Variants in TM4SF4 observed in about 807,000 individuals in gnomAD.
TM4SF4 encodes transmembrane 4 L6 family member 4.
A neutral mutation model predicts 24.1 loss-of-function variants in TM4SF4; 24 were observed. That is an observed-to-expected ratio of 1.00 (90% CI 0.72 to 1.40). The LOEUF (loss-of-function observed/expected upper bound fraction) is 1.40, where lower values mean the gene tolerates loss of function less well. Ranked by LOEUF, TM4SF4 falls within the 40% of genes most tolerant of loss-of-function variation. The pLI, the probability that TM4SF4 is intolerant of heterozygous loss-of-function variation, is 0.00. For missense variants in TM4SF4, 254 were observed against 254.2 expected (o/e 1.00, Z 0.01); for synonymous variants, 113 against 97.0 (o/e 1.17, Z -0.97).
At chr3:149,485,317 T>C (rs1412513073) in intron 2 of TM4SF4, among the ~76,000 whole-genome samples, 2 of 152,224 alleles carry the variant, frequency 1.3e-5, no homozygotes, top group African/African-American at 2.4e-5. Context: ...GGAAAAGAGA[T>C]TGCCTGTTCT....
At chr3:149,482,082 G>A (rs11920457) in intron 2 of TM4SF4, among the ~76,000 whole-genome samples, 54,472 of 152,124 alleles carry the variant, frequency 0.36, 10,285 homozygotes, top group Non-Finnish European at 0.42. Flanking sequence ...ATTACTAGCA[G>A]CCTATCCCAC....
chr3:149,482,628 C>T (rs1734054048), intron 2 of TM4SF4, among the ~76,000 whole-genome samples: 1 of 152,204 alleles, frequency 6.6e-6, no homozygotes, highest in Non-Finnish European at 1.5e-5. Flanking sequence ...ACTGCAACCT[C>T]TGCCTCCTGG....
intron 3 of TM4SF4, chr3:149,495,167 C>CTTAA (rs1261881479): frequency 4.6e-6 from 1 of 215,262 alleles, no homozygotes; most frequent in East Asian, 1.4e-4. Context: ...AAAGTCAGCT[C>CTTAA]TTACATTAAG....
intron 2 of TM4SF4, among the ~76,000 whole-genome samples, chr3:149,485,937 A>G (rs1734108629): frequency 6.6e-6 from 1 of 152,252 alleles, no homozygotes; most frequent in African/African-American, 2.4e-5. Context: ...AGAGTCAGAC[A>G]AAGCACATGA....
chr3:149,492,134 C>A lies in TM4SF4; in HGVS notation c.401+4379C>A, dbSNP rs1453294324. On this transcript the variant is annotated intron_variant, in intron 3 of 4. Coordinates refer to ENST00000305354, the MANE Select transcript of TM4SF4 (RefSeq NM_004617.4). ...AATCCAGATAAGATGATGAACATCA[C>A]CCAGGCAGCAGAATTGGGGCTCAAA... is the stretch of plus-strand genomic sequence containing the variant. Among the ~76,000 whole-genome samples, 4 of 152,210 alleles carry A rather than the reference C, an allele frequency of 2.6e-5. No homozygotes were observed. In the East Asian group the frequency reaches 7.7e-4, roughly 29 times the overall value.
rs138280608 is a variant in TM4SF4, at chr3:149,501,781, A to G, written c.592-895A>G. Among the ~76,000 whole-genome samples the G allele has an allele frequency of 1.6e-4, 24 of 152,318 alleles. No individual in the cohort carries two copies. In the East Asian group the frequency reaches 4.1e-3, roughly 26 times the overall value. On this transcript the variant is annotated intron_variant, in intron 4 of 4. Transcript: ENST00000305354. ...ACTGCCTCTTGCCTAACTTATGGAG[A>G]GAGTGTAAGATCAACATCTATCCAT... is the stretch of plus-strand genomic sequence containing the variant.
chr3:149,476,100 C>G (rs1196919836), intron 2 of TM4SF4, among the ~76,000 whole-genome samples, 188 bp downstream of exon 2: 5 of 152,168 alleles, frequency 3.3e-5, no homozygotes, highest in Non-Finnish European at 7.3e-5. Flanking sequence ...TACCATAGCC[C>G]TCATACTTAT....
intron 3 of TM4SF4, among the ~76,000 whole-genome samples, chr3:149,491,249 C>T (rs1734204368): frequency 7.1e-6 from 1 of 140,058 alleles, no homozygotes; most frequent in Admixed American, 8.6e-5. Flanking sequence ...AGTTCAAGAC[C>T]AGCTTGGGCA....
At chr3:149,500,278 A>G (rs1285623184) in intron 4 of TM4SF4, among the ~76,000 whole-genome samples, 1 of 152,118 alleles carries the variant, frequency 6.6e-6, no homozygotes, top group East Asian at 1.9e-4. Context: ...AGGAAATCCA[A>G]CCAAAAGTTA....
rs190302199 is a variant in TM4SF4 at position 149,490,599 on chromosome 3, C to A, written c.401+2844C>A. On this transcript the variant is annotated intron_variant, in intron 3 of 4. Transcript: ENST00000305354. ...TTTTCTAGAACACAGTTTATATTGA[C>A]TCATATTGTCTGCTTTTTGCCTAGA... 3.3e-5 allele frequency among the ~76,000 whole-genome samples: 5 copies of A among 152,282 alleles called. No individual in the cohort carries two copies. In the East Asian group the frequency reaches 9.6e-4, roughly 29 times the overall value.
In TM4SF4 at chr3:149,474,916, C is replaced by A. The variant is rs201638815; in HGVS notation, c.39C>A (p.Thr13=). Reference sequence around the variant, plus strand: ...GCTGTGCCAGATGCCTGGGGGGGACCCTCATTCCCCTTGCTTTTTTTGGCT... The same window carrying A: ...GCTGTGCCAGATGCCTGGGGGGGACACTCATTCCCCTTGCTTTTTTTGGCT... ...TGGCARCLGG[T]LIPLAFFGFL... Residue 13 remains threonine (T), a synonymous_variant, in exon 1 of 5, where the codon ACC becomes ACA. Coordinates refer to ENST00000305354, the MANE Select transcript of TM4SF4 (RefSeq NM_004617.4). The A allele has an allele frequency of 5.8e-5, 94 of 1,613,858 alleles. 1 individual carries two copies. The Admixed American group carries it at 7.5e-4, about 13-fold the overall frequency.
intron 2 of TM4SF4, among the ~76,000 whole-genome samples, chr3:149,481,515 G>A (rs984496806): frequency 2.6e-5 from 4 of 152,130 alleles, no homozygotes; most frequent in East Asian, 3.8e-4. Flanking sequence ...CCCTTCCCAA[G>A]CCTAGCACAG....
At chr3:149,477,928 T>C (rs745966573) in intron 2 of TM4SF4, among the ~76,000 whole-genome samples, 7 of 152,198 alleles carry the variant, frequency 4.6e-5, no homozygotes, top group Non-Finnish European at 8.8e-5. Context: ...GAGTCATTTA[T>C]TTTAGAAATC....
chr3:149,487,896 A>T, intron 3 of TM4SF4, 141 bp downstream of exon 3: 1 of 1,219,586 alleles, frequency 8.2e-7, no homozygotes, highest in Non-Finnish European at 1.1e-6. Flanking sequence ...GCAGAGATGG[A>T]GTTGTGGAAT....
At chr3:149,494,985 T>A in intron 3 of TM4SF4, 1 of 208,232 alleles carries the variant, frequency 4.8e-6, no homozygotes, top group Non-Finnish European at 1.0e-5. Flanking sequence ...TGTGCTATCC[T>A]GATTGTTGCT....
chr3:149,488,309 A>G (rs73152645), intron 3 of TM4SF4, among the ~76,000 whole-genome samples: 35,290 of 152,192 alleles, frequency 0.23, 4,823 homozygotes, highest in Non-Finnish European at 0.31. Context: ...TGTAGATTGT[A>G]AAGACCTTTA....
chr3:149,499,622 C>T (rs1212008488), intron 4 of TM4SF4, among the ~76,000 whole-genome samples: 1 of 152,080 alleles, frequency 6.6e-6, no homozygotes, highest in Non-Finnish European at 1.5e-5. Flanking sequence ...TGAGGGTTCC[C>T]TAACTGGGGG....
chr3:149,475,740 A>T, intron 1 of TM4SF4, 83 bp from the exon 2 acceptor site: 1 of 1,181,258 alleles, frequency 8.5e-7, no homozygotes, highest in Non-Finnish European at 1.2e-6. Context: ...CTCATTGTGG[A>T]TGGGGCTCCT....
chr3:149,489,958 T>C (rs1244146452), intron 3 of TM4SF4, among the ~76,000 whole-genome samples: 2 of 152,196 alleles, frequency 1.3e-5, no homozygotes, highest in Admixed American at 1.3e-4. Flanking sequence ...GAGACATCTG[T>C]ACAGCTGCTT....
Sources: allele counts gnomAD v4.1 joint callset (sites outside exome capture counted in the v4.1 genomes callset), GRCh38; gene constraint gnomAD v4.1.1; transcripts MANE v1.5; gene names NCBI Gene and HGNC (gene_info 2026-07-23, HGNC 2026-07-21).